The following TBC1D5 variants were observed in gnomAD, a reference collection of about 807,000 sequenced individuals.
TBC1D5 encodes TBC1 domain family, member 5.
A neutral mutation model predicts 100.3 loss-of-function variants in TBC1D5; 75 were observed. The ratio of observed to expected loss-of-function variants is 0.75; its 90% CI spans 0.62 to 0.91. TBC1D5 has a LOEUF of 0.91. Among genes scored for constraint, TBC1D5 ranks in the 40% least tolerant of loss-of-function variants. The pLI is 0.00. For missense variants in TBC1D5, 910 were observed against 942.4 expected, an observed-to-expected ratio of 0.97 and a Z score of 0.45; for synonymous variants, 323 against 325.6, an observed-to-expected ratio of 0.99 and a Z score of 0.09.
chr3:17,541,598 T>C (rs940416357), intron 2 of TBC1D5, among the ~76,000 whole-genome samples: 4 of 152,180 alleles, frequency 2.6e-5, no homozygotes, highest in Admixed American at 6.5e-5. Context: ...GGGGAATCTT[T>C]AGGGTTTTTT....
chr3:17,698,344 A>C (rs1236434977), intron 1 of TBC1D5, among the ~76,000 whole-genome samples: 2 of 151,886 alleles, frequency 1.3e-5, no homozygotes, highest in Non-Finnish European at 1.5e-5. Context: ...AGCCATATGG[A>C]GAAAGCTGAA....
exon 21 of TBC1D5, chr3:17,166,827 G>A (rs368565431): frequency 8.7e-6 from 14 of 1,614,044 alleles, no homozygotes; most frequent in East Asian, 2.2e-5. Flanking sequence ...GGCCCTGGCC[G>A]CTGGAGCAGT....
At chr3:17,160,382 T>C (rs1293591827) in exon 22 of TBC1D5, 3 of 152,516 alleles carry the variant, frequency 2.0e-5, no homozygotes, top group African/African-American at 7.2e-5. Flanking sequence ...TTTTTTCTTT[T>C]TTTTTTTCCC....
chr3:17,609,656 T>G (rs1479412869), intron 2 of TBC1D5, among the ~76,000 whole-genome samples: 1 of 152,172 alleles, frequency 6.6e-6, no homozygotes, highest in African/African-American at 2.4e-5. Context: ...CCTTCAACTA[T>G]CATCCTCTGA....
chr3:17,438,030 C>A (rs753555758), intron 3 of TBC1D5, among the ~76,000 whole-genome samples: 2 of 152,078 alleles, frequency 1.3e-5, no homozygotes, highest in Non-Finnish European at 2.9e-5. Flanking sequence ...CCTAATATGA[C>A]CAGTACTATG....
chr3:17,492,214 A>G (rs2095647958), intron 3 of TBC1D5, among the ~76,000 whole-genome samples: 1 of 151,218 alleles, frequency 6.6e-6, no homozygotes, highest in Non-Finnish European at 1.5e-5. Context: ...TATTTTATTA[A>G]TTTTTTCAAA....
chr3:17,321,672 T>C (rs1369059086), intron 13 of TBC1D5, among the ~76,000 whole-genome samples: 2 of 152,192 alleles, frequency 1.3e-5, no homozygotes, highest in African/African-American at 4.8e-5. Context: ...ATTTTGTAAT[T>C]TCAGTTTTGA....
intron 1 of TBC1D5, among the ~76,000 whole-genome samples, chr3:17,687,890 T>G (rs1046885659): frequency 1.3e-5 from 2 of 152,168 alleles, no homozygotes; most frequent in African/African-American, 4.8e-5. Context: ...GATTCTTTTG[T>G]AACTAAGGAA....
intron 3 of TBC1D5, among the ~76,000 whole-genome samples, chr3:17,505,960 A>G (rs974798692): frequency 3.3e-5 from 5 of 152,174 alleles, no homozygotes; most frequent in African/African-American, 1.2e-4. Flanking sequence ...CTTTGCATAT[A>G]TATCTGTATA....
At chr3:17,466,344 T>C (rs1437148439) in intron 3 of TBC1D5, among the ~76,000 whole-genome samples, 1 of 152,196 alleles carries the variant, frequency 6.6e-6, no homozygotes, top group African/African-American at 2.4e-5. Flanking sequence ...CAGCCTCTGC[T>C]TTCAAAGAAA....
chr3:17,539,898 A>G (rs988233817), intron 2 of TBC1D5, among the ~76,000 whole-genome samples: 1 of 152,204 alleles, frequency 6.6e-6, no homozygotes, highest in African/African-American at 2.4e-5. Flanking sequence ...TCTATTTTCA[A>G]TATTTATAAG....
intron 2 of TBC1D5, among the ~76,000 whole-genome samples, chr3:17,558,253 C>T (rs1329075494): frequency 6.6e-6 from 1 of 152,074 alleles, no homozygotes; most frequent in Non-Finnish European, 1.5e-5. Flanking sequence ...ACTTAAGGTG[C>T]AATGTGACTT....
rs1392609178 is a variant in TBC1D5, at chr3:17,428,383, TTATAA to T, written c.167+62_167+66del. 7.9e-6 allele frequency: 4 copies of T among 508,434 alleles called. No individual in the cohort carries two copies. The African/African-American group carries it at 8.6e-5, about 11-fold the overall frequency. 31.5% of individuals were successfully genotyped at this position (508,434 alleles called of 1,614,324 possible). On this transcript the variant is annotated intron_variant, in intron 4 of 21. Transcript: ENST00000253692. ...ATAATTATATATCTTATACATTATC[TTATAA>T]TATTATATGTGTGTGTGTGTGTGTA...
At chr3:17,625,352 G>A (rs2062967134) in intron 1 of TBC1D5, among the ~76,000 whole-genome samples, 1 of 152,030 alleles carries the variant, frequency 6.6e-6, no homozygotes, top group South Asian at 2.1e-4. Flanking sequence ...ATTAGCATCT[G>A]AATTCAGGGA....
chr3:17,702,000 C>G (rs973986534), intron 1 of TBC1D5, among the ~76,000 whole-genome samples: 2 of 151,998 alleles, frequency 1.3e-5, no homozygotes, highest in Non-Finnish European at 2.9e-5. Context: ...GTCCCTACTG[C>G]CAAAACTGTG....
intron 2 of TBC1D5, among the ~76,000 whole-genome samples, chr3:17,605,129 C>CTGCATTTCCTA (rs1314200067): frequency 2.0e-5 from 3 of 152,222 alleles, no homozygotes; most frequent in Admixed American, 2.0e-4. Flanking sequence ...AGCAGCTAGG[C>CTGCATTTCCTA]TGCATTTCCT....
intron 1 of TBC1D5, among the ~76,000 whole-genome samples, chr3:17,627,369 G>C (rs2063143390): frequency 6.6e-6 from 1 of 152,096 alleles, no homozygotes; most frequent in South Asian, 2.1e-4. Flanking sequence ...AGATTTTAGA[G>C]TTCTCTGTGA....
intron 4 of TBC1D5, among the ~76,000 whole-genome samples, chr3:17,412,689 G>C (rs1253064943): frequency 2.6e-5 from 4 of 152,078 alleles, no homozygotes; most frequent in Non-Finnish European, 4.4e-5. Flanking sequence ...ACCCACTTAT[G>C]ATATAATATT....
At chr3:17,634,401 G>A (rs79290754) in intron 1 of TBC1D5, among the ~76,000 whole-genome samples, 1 of 152,144 alleles carries the variant, frequency 6.6e-6, no homozygotes, top group East Asian at 1.9e-4. Context: ...CACAAAAAAA[G>A]AATGAGATCC....
Sources: gnomAD v4.1 joint callset for allele counts (sites outside exome capture counted in the v4.1 genomes callset) on GRCh38, gnomAD v4.1.1 for gene constraint, MANE v1.5 for transcripts, NCBI Gene and HGNC (gene_info 2026-07-23, HGNC 2026-07-21) for gene names.